FCHSD2: variants seen among roughly 807,000 people sequenced by gnomAD.
The protein encoded by FCHSD2 is F-BAR and double SH3 domains protein 2.
A neutral mutation model predicts 108.1 loss-of-function variants in FCHSD2; 38 were observed. The ratio of observed to expected loss-of-function variants is 0.35; its 90% CI spans 0.27 to 0.46. The LOEUF (loss-of-function observed/expected upper bound fraction) is 0.46. Among genes scored for constraint, FCHSD2 ranks in the 20% least tolerant of loss-of-function variants. The pLI, the probability that FCHSD2 is intolerant of heterozygous loss-of-function variation, is 1.00. For missense variants in FCHSD2, 751 were observed against 897.8 expected (o/e 0.84, Z 2.09); for synonymous variants, 279 against 314.7 (o/e 0.89, Z 1.20).
intron 3 of FCHSD2, among the ~76,000 whole-genome samples, chr11:73,078,497 AACT>A (rs1461536145): frequency 6.6e-6 from 1 of 152,296 alleles, no homozygotes; most frequent in Admixed American, 6.5e-5. Context: ...ATAAAGAATG[AACT>A]ACTACTACAT....
rs1591485957 is a variant in FCHSD2, at chr11:73,018,289, T to C, written c.166-2404A>G. On this transcript the variant is annotated intron_variant, in intron 3 of 19. Coordinates refer to ENST00000409418, the MANE Select transcript of FCHSD2 (RefSeq NM_014824.3). ...AAGCTAGTTCTCCAAGGAATCCTGATTGTTTTCAGGGAGAAACCAGAGACC... is the reference window on the plus strand; with the variant it reads ...AAGCTAGTTCTCCAAGGAATCCTGACTGTTTTCAGGGAGAAACCAGAGACC... Among the ~76,000 whole-genome samples the C allele has an allele frequency of 2.0e-5, 3 of 152,190 alleles. No homozygotes were observed. The South Asian group carries it at 6.2e-4, about 31-fold the overall frequency.
At chr11:73,016,230 G>C (rs1175654872) in intron 3 of FCHSD2, among the ~76,000 whole-genome samples, 1 of 151,690 alleles carries the variant, frequency 6.6e-6, no homozygotes, top group Admixed American at 6.6e-5. Flanking sequence ...TTGAATCCAG[G>C]AGGCGGAGGC....
chr11:72,884,555 TTA>T (rs940165951), intron 12 of FCHSD2, among the ~76,000 whole-genome samples: 1 of 145,968 alleles, frequency 6.9e-6, no homozygotes, highest in African/African-American at 2.6e-5. Flanking sequence ...TATATATAGT[TTA>T]TATATATGAT....
intron 2 of FCHSD2, among the ~76,000 whole-genome samples, chr11:73,111,099 T>C (rs1434790995): frequency 6.6e-6 from 1 of 152,150 alleles, no homozygotes; most frequent in Non-Finnish European, 1.5e-5. Flanking sequence ...TGACATATGG[T>C]CTATGCTTGA....
chr11:72,879,089 C>T (rs902120733), intron 12 of FCHSD2, among the ~76,000 whole-genome samples: 14 of 151,732 alleles, frequency 9.2e-5, no homozygotes, highest in African/African-American at 2.4e-4. Context: ...CAAGCCTGTG[C>T]GACAGAGTGA....
intron 5 of FCHSD2, among the ~76,000 whole-genome samples, chr11:72,998,695 A>G (rs1019342118): frequency 6.6e-6 from 1 of 152,216 alleles, no homozygotes; most frequent in African/African-American, 2.4e-5. Context: ...TGGAGGAAAA[A>G]ATTGATAATA....
chr11:73,113,654 A>G (rs904152981), intron 2 of FCHSD2, among the ~76,000 whole-genome samples: 5 of 152,178 alleles, frequency 3.3e-5, no homozygotes, highest in Non-Finnish European at 7.3e-5. Flanking sequence ...TAGTCGTCAT[A>G]GTCTGGGCTT....
At chr11:72,917,568 A>T (rs1325856436) in intron 9 of FCHSD2, among the ~76,000 whole-genome samples, 1 of 152,150 alleles carries the variant, frequency 6.6e-6, no homozygotes, top group Non-Finnish European at 1.5e-5. Context: ...TAAACTATTC[A>T]TGGTCCCTTG....
intron 3 of FCHSD2, among the ~76,000 whole-genome samples, chr11:73,067,924 T>C (rs956353141): frequency 8.5e-5 from 13 of 152,298 alleles, no homozygotes; most frequent in African/African-American, 3.1e-4. Context: ...GATAGTTCCA[T>C]GTGGCTTGGG....
intron 8 of FCHSD2, among the ~76,000 whole-genome samples, chr11:72,922,458 G>A (rs1482478927): frequency 6.6e-6 from 1 of 152,064 alleles, no homozygotes; most frequent in African/African-American, 2.4e-5. Context: ...CTGCTTTGGG[G>A]AAGAAAACCC....
intron 5 of FCHSD2, among the ~76,000 whole-genome samples, chr11:72,999,117 T>C (rs972843339): frequency 6.6e-6 from 1 of 152,158 alleles, no homozygotes; most frequent in African/African-American, 2.4e-5. Flanking sequence ...TTTTCAGTTA[T>C]ACAAGCAGAT....
chr11:72,903,107 T>C (rs946131970), intron 9 of FCHSD2, among the ~76,000 whole-genome samples: 4 of 152,172 alleles, frequency 2.6e-5, no homozygotes, highest in African/African-American at 9.7e-5. Flanking sequence ...GTTTGTAGAG[T>C]ATTTCTCAGC....
chr11:72,979,761 A>T (rs1320391101), intron 8 of FCHSD2, among the ~76,000 whole-genome samples: 1 of 152,200 alleles, frequency 6.6e-6, no homozygotes, highest in Non-Finnish European at 1.5e-5. Context: ...ATAAATCAAG[A>T]AAAAAATAAG....
rs529885578 is a variant in FCHSD2 at position 73,142,154 on chromosome 11, C to A, written c.-277G>T. 2.1e-4 allele frequency: 56 copies of A among 263,980 alleles called. No individual in the cohort carries two copies. The highest frequency in any genetic ancestry group is 1.6e-3 in the Admixed American group (29 of 18,196). The allele number at this position is 263,980 out of a possible 1,614,324, so 16.4% of individuals were successfully genotyped here. A position where few individuals can be genotyped will look rare whatever the true frequency, so the allele number is the denominator to read the frequency against. ...TGTGTGAGGAAGGAGGCGGAGACGGCGAGGGGGCGGGGGCCCCAGGAGCAG... is the reference window on the plus strand; with the variant it reads ...TGTGTGAGGAAGGAGGCGGAGACGGAGAGGGGGCGGGGGCCCCAGGAGCAG... On this transcript the variant is annotated 5_prime_UTR_variant, in exon 1 of 20. Transcript: ENST00000409418.
intron 14 of FCHSD2, among the ~76,000 whole-genome samples, chr11:72,847,788 G>A (rs930321483): frequency 1.3e-5 from 2 of 150,404 alleles, no homozygotes; most frequent in African/African-American, 4.9e-5. Flanking sequence ...CTCCTCCTGA[G>A]TTCAAGTGAT....
At chr11:72,890,283 C>T (rs550239710) in intron 10 of FCHSD2, among the ~76,000 whole-genome samples, 1 of 152,240 alleles carries the variant, frequency 6.6e-6, no homozygotes, top group South Asian at 2.1e-4. Flanking sequence ...GTATTCATGC[C>T]AACCTACTAT....
chr11:73,050,977 T>G (rs745866223), intron 3 of FCHSD2, among the ~76,000 whole-genome samples: 1 of 152,234 alleles, frequency 6.6e-6, no homozygotes, highest in Non-Finnish European at 1.5e-5. Flanking sequence ...TTAGAAAGTT[T>G]TAAGCAATTT....
At chr11:72,854,565 G>A (rs888254301) in intron 13 of FCHSD2, among the ~76,000 whole-genome samples, 2 of 152,142 alleles carry the variant, frequency 1.3e-5, no homozygotes, top group South Asian at 2.1e-4. Flanking sequence ...CCGAGTAGCC[G>A]GGACTACAGG....
intron 8 of FCHSD2, among the ~76,000 whole-genome samples, chr11:72,949,267 T>A (rs1190650817): frequency 6.6e-6 from 1 of 151,874 alleles, no homozygotes; most frequent in Admixed American, 6.5e-5. Context: ...CTGACCAACA[T>A]GGTGAAACCC....
Sources: gnomAD v4.1 joint callset for allele counts (sites outside exome capture counted in the v4.1 genomes callset) on GRCh38, gnomAD v4.1.1 for gene constraint, MANE v1.5 for transcripts, NCBI Gene and HGNC (gene_info 2026-07-23, HGNC 2026-07-21) for gene names.